DPYSL3: variants seen among roughly 807,000 people sequenced by gnomAD.
DPYSL3 encodes dihydropyrimidinase-related protein 3.
Under a neutral mutation model 66.1 loss-of-function variants are expected in DPYSL3, and 16 were observed. The observed-to-expected ratio is 0.24, with a 90% confidence interval of 0.16 to 0.37. The LOEUF is 0.37. Among genes scored for constraint, DPYSL3 ranks in the 10% least tolerant of loss-of-function variants. The pLI, the probability that DPYSL3 is intolerant of heterozygous loss-of-function variation, is 1.00. For synonymous variants in DPYSL3, 338 were observed against 345.1 expected (o/e 0.98, Z 0.23); for missense variants, 738 against 916.2 (o/e 0.81, Z 2.51).
In DPYSL3 at chr5:147,405,799, G is replaced by A. The variant is rs377531044; in HGVS notation, c.1033-69C>T. ...TCAAACTGGTGGCTCCCACCTCCAC[G>A]AACTGTGAGGATGCAGTGCTGCACA... On this transcript the variant is annotated intron_variant, in intron 7 of 13. Coordinates refer to ENST00000343218, the MANE Select transcript of DPYSL3 (RefSeq NM_001197294.2). 185 of 1,554,268 alleles carry A rather than the reference G, an allele frequency of 1.2e-4. No individual in the cohort carries two copies. In the African/African-American group the frequency reaches 2.2e-3, roughly 18 times the overall value.
intron 1 of DPYSL3, among the ~76,000 whole-genome samples, chr5:147,450,656 A>G (rs1561792884): frequency 6.6e-6 from 1 of 152,198 alleles, no homozygotes; most frequent in Non-Finnish European, 1.5e-5. Flanking sequence ...CAAGGATAGT[A>G]AGAATGCCTT....
At chr5:147,436,793 T>C (rs942146485) in intron 1 of DPYSL3, among the ~76,000 whole-genome samples, 2 of 152,208 alleles carry the variant, frequency 1.3e-5, no homozygotes, top group Non-Finnish European at 2.9e-5. Flanking sequence ...GTGACGCAGA[T>C]GCAGACGTGC....
At position 147,509,825 on chromosome 5, in the gene DPYSL3, G is replaced by A. The variant is rs1753734405; in HGVS notation, c.34C>T (p.His12Tyr). The change falls in exon 1 of 14, where the codon CAC becomes TAC. Residue 12 changes from histidine (H) to tyrosine (Y), a missense_variant. Transcript: ENST00000343218. The surrounding 1 kb of genome is among the most constrained non-coding windows in gnomAD (Gnocchi z 5.3). ...AGGTACACGGGCAGATCGTCTTCGT[G>A]GGAGCTGTCCCAGCCCCTCCGGCCC... ...ASGRRGWDSS[H>Y]EDDLPVYLAR... The A allele has an allele frequency of 6.5e-7, 1 of 1,535,644 alleles. No individual in the cohort carries two copies. Among genetic ancestry groups the A allele is most frequent in the South Asian group, 1.2e-5 (1 of 84,040 alleles).
chr5:147,465,754 GGA>G (rs903078212), intron 1 of DPYSL3, among the ~76,000 whole-genome samples: 49 of 152,290 alleles, frequency 3.2e-4, no homozygotes, highest in African/African-American at 1.2e-3. Flanking sequence ...TCAAAAAAGG[GGA>G]AGAATTCTAA....
At chr5:147,462,813 G>T (rs1347451419) in intron 1 of DPYSL3, among the ~76,000 whole-genome samples, 1 of 152,058 alleles carries the variant, frequency 6.6e-6, no homozygotes, top group Non-Finnish European at 1.5e-5. Context: ...GGAAAAAAAA[G>T]CCACGTGGAG....
intron 1 of DPYSL3, among the ~76,000 whole-genome samples, chr5:147,484,398 C>G (rs1753297056): frequency 6.6e-6 from 1 of 152,150 alleles, no homozygotes; most frequent in Non-Finnish European, 1.5e-5. Flanking sequence ...AATATTACAG[C>G]TATTGTGGAG....
chr5:147,505,746 G>A (rs1753677584), intron 1 of DPYSL3, among the ~76,000 whole-genome samples: 1 of 152,176 alleles, frequency 6.6e-6, no homozygotes, highest in East Asian at 1.9e-4. Context: ...GTTCTCCAAG[G>A]TTGAACAACT....
chr5:147,409,349 C>T (rs946975724), intron 6 of DPYSL3, among the ~76,000 whole-genome samples: 12 of 152,190 alleles, frequency 7.9e-5, no homozygotes, highest in African/African-American at 2.4e-4. Context: ...TCTCACCCAT[C>T]CTAGCCTAAC....
intron 1 of DPYSL3, chr5:147,453,438 C>G: frequency 7.2e-7 from 1 of 1,381,864 alleles, no homozygotes; most frequent in Non-Finnish European, 9.4e-7. Context: ...GGTCTCCGTC[C>G]CTCCCCGGGG....
At chr5:147,504,841 A>G (rs1371732144) in intron 1 of DPYSL3, among the ~76,000 whole-genome samples, 1 of 152,186 alleles carries the variant, frequency 6.6e-6, no homozygotes, top group East Asian at 1.9e-4. Flanking sequence ...AAACCCCTGT[A>G]ATCATAATGT....
At position 147,509,803 on chromosome 5, in the gene DPYSL3, T is replaced by A. The variant is rs1383071576; in HGVS notation, c.56A>T (p.Tyr19Phe). ...DSSHEDDLPV[Y>F]LARPGTTDQV... The stretch of plus-strand genomic sequence containing the variant: ...GTCCGTGGTGCCCGGCCTGGCCAGG[T>A]ACACGGGCAGATCGTCTTCGTGGGA... The change falls in exon 1 of 14, where the codon TAC becomes TTC. Residue 19 changes from tyrosine (Y) to phenylalanine (F), a missense_variant. Coordinates refer to ENST00000343218, the MANE Select transcript of DPYSL3 (RefSeq NM_001197294.2). The surrounding 1 kb of genome is among the most constrained non-coding windows in gnomAD (Gnocchi z 5.3). 8 of 1,535,904 alleles carry A rather than the reference T, an allele frequency of 5.2e-6. No homozygotes were observed. The highest frequency in any genetic ancestry group is 7.0e-6 in the Non-Finnish European group (8 of 1,146,744).
intron 1 of DPYSL3, among the ~76,000 whole-genome samples, chr5:147,429,703 C>G (rs1373992297): frequency 6.6e-6 from 1 of 152,034 alleles, no homozygotes; most frequent in Non-Finnish European, 1.5e-5. Context: ...CCATGTCTCC[C>G]ATCTCCTGGC....
At chr5:147,397,125 A>AT (rs1040416014) in intron 12 of DPYSL3, among the ~76,000 whole-genome samples, 1 of 147,298 alleles carries the variant, frequency 6.8e-6, no homozygotes, top group Non-Finnish European at 1.5e-5. Flanking sequence ...CTGCACCTCC[A>AT]TTTTTTATAC....
intron 1 of DPYSL3, among the ~76,000 whole-genome samples, chr5:147,455,838 C>T (rs1332975701): frequency 6.6e-6 from 1 of 151,806 alleles, no homozygotes. Context: ...TGAGTTATCT[C>T]CTCTGTTACC....
chr5:147,471,632 C>T (rs2126423875), intron 1 of DPYSL3, among the ~76,000 whole-genome samples: 1 of 152,172 alleles, frequency 6.6e-6, no homozygotes. Context: ...CCCATTTGGA[C>T]ATAAAGGCAC....
chr5:147,424,205 A>G (rs530733008), intron 2 of DPYSL3, among the ~76,000 whole-genome samples: 140 of 152,316 alleles, frequency 9.2e-4, no homozygotes, highest in African/African-American at 3.3e-3. Flanking sequence ...AATAAAACTA[A>G]AAGAGGCCAG....
Position 147,460,824 on chromosome 5 carries a change from G to A in DPYSL3, c.382-35861C>T, listed in dbSNP as rs79710006. On this transcript the variant is annotated intron_variant, in intron 1 of 13. Transcript: ENST00000343218. The stretch of plus-strand genomic sequence containing the variant: ...TTGCAATCCATTAATTGAAGGAAAA[G>A]CCAGTTCATCAGTAGGAAGGACCCT... Among the ~76,000 whole-genome samples the A allele has an allele frequency of 5.2e-3, 786 of 152,244 alleles. 30 individuals are homozygous for A. In the East Asian group the frequency reaches 0.11, roughly 21 times the overall value.
rs549132990 is a variant in DPYSL3 at position 147,447,516 on chromosome 5, G to T, written c.382-22553C>A. On this transcript the variant is annotated intron_variant, in intron 1 of 13. Transcript: ENST00000343218. ...TTTGCCTAGAGAAAGTGGGAGAAAA[G>T]GCAAAGTTGAGCATTGATTTGAGGA... is the stretch of plus-strand genomic sequence containing the variant. 3.8e-4 allele frequency among the ~76,000 whole-genome samples: 58 copies of T among 152,284 alleles called. 2 individuals carry two copies. Among genetic ancestry groups the T allele is most frequent in the Admixed American group, 1.2e-3 (19 of 15,306 alleles).
chr5:147,433,867 A>G (rs1262774866), intron 1 of DPYSL3, among the ~76,000 whole-genome samples: 1 of 152,096 alleles, frequency 6.6e-6, no homozygotes, highest in African/African-American at 2.4e-5. Context: ...CCCCGTCTCT[A>G]CTAAAAATAC....
Sources: allele counts gnomAD v4.1 joint callset (sites outside exome capture counted in the v4.1 genomes callset), GRCh38; gene constraint gnomAD v4.1.1; non-coding constraint Gnocchi (gnomAD v3.1); transcripts MANE v1.5; gene names NCBI Gene and HGNC (gene_info 2026-07-23, HGNC 2026-07-21).